The following SCO1 variants were observed in gnomAD, a reference collection of about 807,000 sequenced individuals.
SCO1 encodes the protein synthesis of cytochrome C oxidase 1.
In SCO1, 23 loss-of-function variants were observed where a neutral mutation model predicts 34.0. The observed-to-expected ratio is 0.68, with a 90% CI of 0.49 to 0.96. SCO1 has a LOEUF of 0.96. SCO1 is among the 40% of genes least tolerant of loss of function. The pLI is 0.00. For missense variants in SCO1, 404 were observed against 381.6 expected (o/e 1.06, Z -0.49); for synonymous variants, 161 against 145.5 (o/e 1.11, Z -0.77).
In SCO1 at chr17:10,691,310, G is replaced by A. The variant is rs572402674; in HGVS notation, c.655+562C>T. ...TAATTTTTGTATTTTTAGTAGAGAC[G>A]GGGCTTCACCATGTTGGCCAGGCTG... On this transcript the variant is annotated intron_variant, in intron 4 of 5. Coordinates refer to ENST00000255390, the MANE Select transcript of SCO1 (RefSeq NM_004589.4). 1.2e-3 allele frequency among the ~76,000 whole-genome samples: 184 copies of A among 152,126 alleles called. 1 individual carries two copies. Among genetic ancestry groups the A allele is most frequent in the African/African-American group, 3.9e-3 (161 of 41,484 alleles).
At chr17:10,686,904 T>G in intron 4 of SCO1, 62 bp from the exon 5 acceptor site, 1 of 1,042,964 alleles carries the variant, frequency 9.6e-7, no homozygotes, top group Non-Finnish European at 1.5e-6. Flanking sequence ...CATCTCTACT[T>G]CAAAAAATGT....
At chr17:10,681,376 T>C (rs1265520523) in intron 5 of SCO1, 123 bp from the exon 6 acceptor site, 1 of 1,076,762 alleles carries the variant, frequency 9.3e-7, no homozygotes, top group Non-Finnish European at 1.4e-6. Flanking sequence ...ACAGCATCTA[T>C]TATTTATGGA....
intron 3 of SCO1, 73 bp downstream of exon 3, chr17:10,692,691 A>T: frequency 8.2e-7 from 1 of 1,221,722 alleles, no homozygotes; most frequent in Non-Finnish European, 1.2e-6. Flanking sequence ...ACCTAACAAT[A>T]ATACAAGGGT....
In SCO1 at chr17:10,672,609, C is replaced by T. The variant is rs529017122; in HGVS notation, c.*8510G>A. 1 of 152,292 alleles carries T rather than the reference C, an allele frequency of 6.6e-6. No homozygotes were observed. The highest frequency in any genetic ancestry group is 2.4e-5 in the African/African-American group (1 of 41,558). 9.4% of individuals were successfully genotyped at this position (152,292 alleles called of 1,614,324 possible). ...AGACACAGATCATTTTTACCACTTC[C>T]CCAAATCCCCTCCTGCCCCTGGCAA... is the stretch of plus-strand genomic sequence containing the variant. On this transcript the variant is annotated 3_prime_UTR_variant, in exon 6 of 6. Coordinates refer to ENST00000255390, the MANE Select transcript of SCO1 (RefSeq NM_004589.4).
rs1370869493 is a variant in SCO1, at chr17:10,676,441, C to T, written c.*4678G>A. On this transcript the variant is annotated 3_prime_UTR_variant, in exon 6 of 6. Transcript: ENST00000255390. ...AGTTGGTCTCTTTCAGAGGCACATG[C>T]TGGGAATGGGCTGGGGTGGCAGTGG... The T allele has an allele frequency of 6.6e-6, 1 of 152,038 alleles. No individual in the cohort carries two copies. Among genetic ancestry groups the T allele is most frequent in the African/African-American group, 2.4e-5 (1 of 41,376 alleles). 9.4% of individuals were successfully genotyped at this position (152,038 alleles called of 1,614,324 possible).
Position 10,674,331 on chromosome 17 carries a change from C to T in SCO1, c.*6788G>A. ...ATCCCAGCTACTTGGGAGGCTGAGGCAGCAGAATCACTTGAACCAGGGAGG... is the reference window on the plus strand; with the variant it reads ...ATCCCAGCTACTTGGGAGGCTGAGGTAGCAGAATCACTTGAACCAGGGAGG... On this transcript the variant is annotated 3_prime_UTR_variant, in exon 6 of 6. Transcript: ENST00000255390. The T allele has an allele frequency of 1.2e-5, 2 of 172,346 alleles. No individual in the cohort carries two copies. The highest frequency in any genetic ancestry group is 1.2e-5 in the Non-Finnish European group (1 of 80,036). The allele number at this position is 172,346 out of a possible 1,614,324, so 10.7% of individuals were successfully genotyped here. A position where few individuals can be genotyped will look rare whatever the true frequency, so the allele number is the denominator to read the frequency against.
chr17:10,685,249 G>C (rs554910407), intron 5 of SCO1, among the ~76,000 whole-genome samples: 1 of 152,146 alleles, frequency 6.6e-6, no homozygotes, highest in South Asian at 2.1e-4. Context: ...TTTCTACAAA[G>C]ACAGCTTCAC....
At position 10,679,888 on chromosome 17, in the gene SCO1, T is replaced by C. The variant is rs2074609429; in HGVS notation, c.*1231A>G. 1 of 130,332 alleles carries C rather than the reference T, an allele frequency of 7.7e-6. No homozygotes were observed. Among genetic ancestry groups the C allele is most frequent in the South Asian group, 2.7e-4 (1 of 3,742 alleles). 8.1% of individuals were successfully genotyped at this position (130,332 alleles called of 1,614,324 possible). The stretch of plus-strand genomic sequence containing the variant: ...ATTCCTGGGCTCAAGTGATACTCCA[T>C]TTCAGTCTCCTGAGTAGCCAGGACT... On this transcript the variant is annotated 3_prime_UTR_variant, in exon 6 of 6. Coordinates refer to ENST00000255390, the MANE Select transcript of SCO1 (RefSeq NM_004589.4).
intron 4 of SCO1, among the ~76,000 whole-genome samples, chr17:10,691,497 C>A (rs1389343610): frequency 1.3e-5 from 2 of 152,322 alleles, no homozygotes; most frequent in East Asian, 3.9e-4. Flanking sequence ...CTTTAATCTA[C>A]CAATGAACAT....
rs148123722 is a variant in SCO1 at position 10,678,219 on chromosome 17, TCA to T, written c.*2898_*2899del. The T allele has an allele frequency of 3.3e-5, 5 of 152,210 alleles. No homozygotes were observed. Among genetic ancestry groups the T allele is most frequent in the East Asian group, 1.9e-4 (1 of 5,194 alleles). The allele number at this position is 152,210 out of a possible 1,614,324, so 9.4% of individuals were successfully genotyped here. The stretch of plus-strand genomic sequence containing the variant: ...TACGGAACCTCCGTTTTGGTTGGAT[TCA>T]CACAGTCACCATAAGCGCACGATAG... On this transcript the variant is annotated 3_prime_UTR_variant, in exon 6 of 6. Transcript: ENST00000255390.
In SCO1 at chr17:10,691,955, G is replaced by T. The variant is rs750108114; in HGVS notation, c.572C>A (p.Thr191Lys). 2.5e-6 allele frequency: 4 copies of T among 1,610,904 alleles called. No individual in the cohort carries two copies. The highest frequency in any genetic ancestry group is 1.3e-5 in the African/African-American group (1 of 74,960). Residue 191 changes from threonine to lysine, a missense_variant, in exon 4 of 6, where the codon ACA (threonine) becomes AAA (lysine). Coordinates refer to ENST00000255390, the MANE Select transcript of SCO1 (RefSeq NM_004589.4). ...AAGTGGAGTTAGATCTGGCAGAGTT[G>T]TAATGCTATCTGAAAGAGAGTTCCA... ...IQVVDEIDSI[T>K]TLPDLTPLFI...
rs908016630 is a variant in SCO1 at position 10,675,170 on chromosome 17, A to G, written c.*5949T>C. 6 of 152,266 alleles carry G rather than the reference A, an allele frequency of 3.9e-5. No homozygotes were observed. The highest frequency in any genetic ancestry group is 1.4e-4 in the African/African-American group (6 of 41,454). 9.4% of individuals were successfully genotyped at this position (152,266 alleles called of 1,614,324 possible). ...TTTCCTGCCCCTTCAACTGAGGGTG[A>G]GAAGACACTGTCTCTGGGGCCTAAG... On this transcript the variant is annotated 3_prime_UTR_variant, in exon 6 of 6. Transcript: ENST00000255390.
In SCO1 at chr17:10,691,854, T is replaced by C. The variant is rs1263319555; in HGVS notation, c.655+18A>G. On this transcript the variant is annotated intron_variant, in intron 4 of 5. Transcript: ENST00000255390. ...ACTTTAAGGCTAAATAAATGTAAAGTATTATTTAAAAAAATACCTTTCACA... is the reference window on the plus strand; with the variant it reads ...ACTTTAAGGCTAAATAAATGTAAAGCATTATTTAAAAAAATACCTTTCACA... 4 of 1,498,240 alleles carry C rather than the reference T, an allele frequency of 2.7e-6. No individual in the cohort carries two copies. Among genetic ancestry groups the C allele is most frequent in the Non-Finnish European group, 3.7e-6 (4 of 1,074,966 alleles). 92.8% of individuals were successfully genotyped at this position (1,498,240 alleles called of 1,614,324 possible).
Position 10,681,027 on chromosome 17 carries a change from A to C in SCO1, c.*92T>G. ...GTATGAAGGCCATTCTGTAGAGTGC[A>C]CGTATATATGTTTATATTTATATAG... On this transcript the variant is annotated 3_prime_UTR_variant, in exon 6 of 6. Coordinates refer to ENST00000255390, the MANE Select transcript of SCO1 (RefSeq NM_004589.4). 1 of 1,419,862 alleles carries C rather than the reference A, an allele frequency of 7.0e-7. No homozygotes were observed. Among genetic ancestry groups the C allele is most frequent in the Non-Finnish European group, 1.0e-6 (1 of 1,004,466 alleles). The allele number at this position is 1,419,862 out of a possible 1,614,324, so 88.0% of individuals were successfully genotyped here.
chr17:10,694,683 C>T (rs2074711141), intron 2 of SCO1, among the ~76,000 whole-genome samples: 1 of 152,024 alleles, frequency 6.6e-6, no homozygotes, highest in African/African-American at 2.4e-5. Flanking sequence ...ATAAAACAAA[C>T]GTTAGAATTG....
At position 10,686,861 on chromosome 17, in the gene SCO1, A is replaced by T; in HGVS notation, c.656-19T>A. On this transcript the variant is annotated intron_variant, in intron 4 of 5. Coordinates refer to ENST00000255390, the MANE Select transcript of SCO1 (RefSeq NM_004589.4). ...GAAAATTCTAAATAAAAAATGAGAG[A>T]GACAGTGAAAAATGAGAAGCCAGTA... The T allele has an allele frequency of 6.6e-7, 1 of 1,525,760 alleles. No individual in the cohort carries two copies. Among genetic ancestry groups the T allele is most frequent in the Non-Finnish European group, 9.1e-7 (1 of 1,099,378 alleles). The allele number at this position is 1,525,760 out of a possible 1,614,324, so 94.5% of individuals were successfully genotyped here.
At chr17:10,692,443 G>A (rs1357199144) in intron 3 of SCO1, among the ~76,000 whole-genome samples, 1 of 152,184 alleles carries the variant, frequency 6.6e-6, no homozygotes, top group Non-Finnish European at 1.5e-5. Flanking sequence ...CCATTGCAAA[G>A]ATTTCCTAAT....
chr17:10,690,372 G>A (rs1254504425), intron 4 of SCO1, among the ~76,000 whole-genome samples: 3 of 151,980 alleles, frequency 2.0e-5, no homozygotes, highest in Non-Finnish European at 4.4e-5. Context: ...TTTAAAAAGG[G>A]CAAATGATCT....
At chr17:10,694,845 AAG>A (rs2074712104) in intron 2 of SCO1, among the ~76,000 whole-genome samples, 1 of 152,134 alleles carries the variant, frequency 6.6e-6, no homozygotes, top group South Asian at 2.1e-4. Context: ...TATTATGCCA[AAG>A]AGTCTCATAT....
Sources: gnomAD v4.1 joint callset for allele counts (sites outside exome capture counted in the v4.1 genomes callset) on GRCh38, gnomAD v4.1.1 for gene constraint, MANE v1.5 for transcripts, NCBI Gene and HGNC (gene_info 2026-07-23, HGNC 2026-07-21) for gene names.